Variants in PKP1 observed in about 807,000 individuals in gnomAD.
The protein encoded by PKP1 is plakophilin-1.
In PKP1, 27 loss-of-function variants were observed where a neutral mutation model predicts 76.4. The ratio of observed to expected loss-of-function variants is 0.35; its 90% CI spans 0.26 to 0.49. The LOEUF is 0.49. PKP1 is among the 20% of genes least tolerant of loss of function. The pLI is 0.99. For missense variants in PKP1, 964 were observed against 955.2 expected, an observed-to-expected ratio of 1.01 and a Z score of -0.12; for synonymous variants, 404 against 384.2, an observed-to-expected ratio of 1.05 and a Z score of -0.60.
intron 2 of PKP1, among the ~76,000 whole-genome samples, chr1:201,296,828 T>C (rs1656091579): frequency 6.6e-6 from 1 of 152,244 alleles, no homozygotes; most frequent in Non-Finnish European, 1.5e-5. Context: ...ACCAGTCTCA[T>C]TTCTTTATTG....
chr1:201,290,983 A>G (rs1655899855), intron 1 of PKP1, among the ~76,000 whole-genome samples: 1 of 152,194 alleles, frequency 6.6e-6, no homozygotes, highest in Admixed American at 6.5e-5. Flanking sequence ...TTTAGAGGGC[A>G]TTACTTACCA....
chr1:201,297,114 A>G (rs1656101209), intron 2 of PKP1, among the ~76,000 whole-genome samples: 1 of 152,234 alleles, frequency 6.6e-6, no homozygotes, highest in Non-Finnish European at 1.5e-5. Flanking sequence ...ACTATTTATA[A>G]TCTATGATTA....
Position 201,331,218 on chromosome 1 carries a change from A to C in PKP1, c.*1177A>C, listed in dbSNP as rs1050655052. 1 of 152,186 alleles carries C rather than the reference A, an allele frequency of 6.6e-6. No homozygotes were observed. The highest frequency in any genetic ancestry group is 2.4e-5 in the African/African-American group (1 of 41,414). 9.4% of individuals were successfully genotyped at this position (152,186 alleles called of 1,614,324 possible). ...GGGAGTTTGGGTAGACTAGGAAAGG[A>C]AAGTGCCATATCAGGGTACCGGTAC... On this transcript the variant is annotated 3_prime_UTR_variant, in exon 14 of 14. Transcript: ENST00000367324.
At chr1:201,303,934 G>A (rs902956720) in intron 2 of PKP1, among the ~76,000 whole-genome samples, 2 of 152,170 alleles carry the variant, frequency 1.3e-5, no homozygotes, top group African/African-American at 2.4e-5. Flanking sequence ...TCCCCTCACC[G>A]AGGTGACCTG....
At chr1:201,309,999 T>C (rs1656491880) in intron 2 of PKP1, among the ~76,000 whole-genome samples, 1 of 152,186 alleles carries the variant, frequency 6.6e-6, no homozygotes. Context: ...TTTAGACCCA[T>C]TCTATGTCTG....
intron 2 of PKP1, among the ~76,000 whole-genome samples, chr1:201,309,506 A>C (rs1284828651): frequency 6.6e-6 from 1 of 152,100 alleles, no homozygotes; most frequent in Non-Finnish European, 1.5e-5. Context: ...TGCTCTCAGG[A>C]AATTGAGTTT....
intron 2 of PKP1, among the ~76,000 whole-genome samples, chr1:201,310,800 G>T (rs1487294531): frequency 6.6e-6 from 1 of 152,204 alleles, no homozygotes; most frequent in East Asian, 1.9e-4. Flanking sequence ...TGTGGCTGAT[G>T]GTGGTAGGCT....
At chr1:201,330,033 C>G (rs1406293902) in intron 13 of PKP1, 41 bp from the exon 14 acceptor site, 1 of 152,174 alleles carries the variant, frequency 6.6e-6, no homozygotes, top group Non-Finnish European at 1.5e-5. Flanking sequence ...GTGGAAACAT[C>G]TCACTGTAAA....
At chr1:201,297,575 G>T (rs1034714495) in intron 2 of PKP1, among the ~76,000 whole-genome samples, 1 of 152,184 alleles carries the variant, frequency 6.6e-6, no homozygotes, top group African/African-American at 2.4e-5. Context: ...GCTGGTTACT[G>T]GTACAGCGGA....
chr1:201,291,302 G>C (rs1286640883), intron 1 of PKP1, among the ~76,000 whole-genome samples: 7 of 152,194 alleles, frequency 4.6e-5, no homozygotes, highest in Non-Finnish European at 2.9e-5. Context: ...GGGCCTGCAG[G>C]CCACAAGTGA....
At position 201,325,111 on chromosome 1, in the gene PKP1, A is replaced by C. The variant is rs1483799747; in HGVS notation, c.2005A>C (p.Asn669His). 6.2e-7 allele frequency: 1 copy of C among 1,613,814 alleles called. No individual in the cohort carries two copies. Among genetic ancestry groups the C allele is most frequent in the South Asian group, 1.1e-5 (1 of 91,074 alleles). The change falls in exon 11 of 14, where the codon AAC (asparagine) becomes CAC (histidine). Residue 669 changes from asparagine to histidine, a missense_variant. Asn to His is a moderately conservative substitution (Grantham distance 68). Coordinates refer to ENST00000367324, the MANE Select transcript of PKP1 (RefSeq NM_001005337.3). ...CAGCAGCATGCTCAACAACATCATC[A>C]ACCTGTGCCGAAGCAGGTGGGCGGG... ...FSSSMLNNII[N>H]LCRSSASPKA...
rs561843515 is a variant in PKP1, at chr1:201,326,761, G to A, written c.2106+923G>A. ...AGAGTGGAGCTTTGTTCAGGCAGGC[G>A]AAGCCATGAGAACAGGCAAGACCAC... On this transcript the variant is annotated intron_variant, in intron 12 of 13. Coordinates refer to ENST00000367324, the MANE Select transcript of PKP1 (RefSeq NM_001005337.3). Among the ~76,000 whole-genome samples the A allele has an allele frequency of 2.6e-5, 4 of 152,340 alleles. No homozygotes were observed. The East Asian group carries it at 5.8e-4, about 22-fold the overall frequency.
intron 12 of PKP1, among the ~76,000 whole-genome samples, chr1:201,326,799 G>A (rs776603097): frequency 2.0e-5 from 3 of 152,224 alleles, no homozygotes; most frequent in Non-Finnish European, 4.4e-5. Flanking sequence ...TGGGTTGCAT[G>A]TGTATGGAAA....
At chr1:201,305,165 G>A (rs912629705) in intron 2 of PKP1, among the ~76,000 whole-genome samples, 3 of 152,188 alleles carry the variant, frequency 2.0e-5, no homozygotes, top group African/African-American at 7.2e-5. Context: ...TTCCAAAGGT[G>A]AGATCTCTTA....
intron 2 of PKP1, among the ~76,000 whole-genome samples, chr1:201,310,233 C>T (rs1390677264): frequency 2.0e-5 from 3 of 152,222 alleles, no homozygotes; most frequent in Non-Finnish European, 2.9e-5. Flanking sequence ...ACACTCATAT[C>T]GTGGACTGTC....
At chr1:201,293,427 G>A (rs2102154462) in intron 1 of PKP1, among the ~76,000 whole-genome samples, 1 of 152,340 alleles carries the variant, frequency 6.6e-6, no homozygotes, top group Non-Finnish European at 1.5e-5. Context: ...TGTTAGAGGT[G>A]AAAGAATGGG....
intron 1 of PKP1, among the ~76,000 whole-genome samples, chr1:201,288,708 C>T (rs930616892): frequency 7.2e-5 from 11 of 152,140 alleles, no homozygotes; most frequent in African/African-American, 2.7e-4. Context: ...CCACCTGAAC[C>T]CGTCAACCCT....
Position 201,283,607 on chromosome 1 carries a change from G to T in PKP1, c.-96G>T, listed in dbSNP as rs886045807. 3.7e-6 allele frequency: 4 copies of T among 1,092,468 alleles called. No homozygotes were observed. The highest frequency in any genetic ancestry group is 2.6e-5 in the East Asian group (1 of 38,858). 67.7% of individuals were successfully genotyped at this position (1,092,468 alleles called of 1,614,324 possible). ...ATGGCCGTAGGGAGCCGCTGAGAGC[G>T]AGAAGAGCACGCTCCTGCCCGCCCG... On this transcript the variant is annotated 5_prime_UTR_variant, in exon 1 of 14. Transcript: ENST00000367324.
At position 201,313,478 on chromosome 1, in the gene PKP1, G is replaced by A; in HGVS notation, c.619G>A (p.Ala207Thr). 6.2e-7 allele frequency: 1 copy of A among 1,613,560 alleles called. No individual in the cohort carries two copies. Among genetic ancestry groups the A allele is most frequent in the Non-Finnish European group, 8.5e-7 (1 of 1,179,880 alleles). The change falls in exon 3 of 14, where the codon GCC becomes ACC. Residue 207 changes from alanine (A) to threonine (T), a missense_variant. Physicochemically the swap from Ala to Thr is moderately conservative, Grantham distance 58. Transcript: ENST00000367324. ...KKCPVRPPSCASKQDPVYIPP... is the reference protein window; with the variant it reads ...KKCPVRPPSCTSKQDPVYIPP... The stretch of plus-strand genomic sequence containing the variant: ...GTGCCCTGTGCGCCCGCCCTCTTGT[G>A]CCTCCAAGCAGGACCCTGTGTATAT...
Sources: allele counts gnomAD v4.1 joint callset (sites outside exome capture counted in the v4.1 genomes callset), GRCh38; gene constraint gnomAD v4.1.1; transcripts MANE v1.5; gene names NCBI Gene and HGNC (gene_info 2026-07-23, HGNC 2026-07-21).